The following PRORP variants were observed in gnomAD, a reference collection of about 807,000 sequenced individuals.
PRORP encodes the protein mitochondrial ribonuclease P catalytic subunit.
In PRORP, 51 loss-of-function variants were observed where a neutral mutation model predicts 59.4. The observed-to-expected ratio is 0.86, with a 90% CI of 0.69 to 1.08. PRORP has a LOEUF of 1.08. Among genes scored for constraint, PRORP ranks in the 50% least tolerant of loss-of-function variants. The probability of loss-of-function intolerance (pLI) is 0.00; values close to 1 mark genes in which losing one functional copy is unlikely to be tolerated. For synonymous variants in PRORP, 231 were observed against 245.6 expected, an observed-to-expected ratio of 0.94 and a Z score of 0.55; for missense variants, 646 against 690.3, an observed-to-expected ratio of 0.94 and a Z score of 0.72.
chr14:35,266,404 C>T lies in PRORP; in HGVS notation c.1276-323C>T, dbSNP rs569531007. On this transcript the variant is annotated intron_variant, in intron 5 of 7. Transcript: ENST00000534898. ...GGCTGAAGTGGGAGGATTGCTTGAG[C>T]CCAGGAATTCAAGGCTGCAGTGAGC... 2.0e-5 allele frequency among the ~76,000 whole-genome samples: 3 copies of T among 152,082 alleles called. No individual in the cohort carries two copies. In the East Asian group the frequency reaches 5.8e-4, roughly 29 times the overall value.
chr14:35,151,933 TC>T (rs1210766998), intron 4 of PRORP, among the ~76,000 whole-genome samples: 8 of 122,694 alleles, frequency 6.5e-5, no homozygotes, highest in South Asian at 2.8e-4. Context: ...TGTTAATCCA[TC>T]TTTTTTTTTT....
intron 4 of PRORP, among the ~76,000 whole-genome samples, chr14:35,165,018 C>T (rs2048148928): frequency 6.6e-6 from 1 of 152,168 alleles, no homozygotes; most frequent in South Asian, 2.1e-4. Context: ...ATTGGCACGC[C>T]TTGCTTAAGA....
intron 5 of PRORP, among the ~76,000 whole-genome samples, chr14:35,231,130 G>GT (rs780822353): frequency 6.6e-6 from 1 of 152,160 alleles, no homozygotes; most frequent in Non-Finnish European, 1.5e-5. Context: ...TTTGAGCCAT[G>GT]TGAATTTATT....
intron 5 of PRORP, among the ~76,000 whole-genome samples, chr14:35,264,088 A>G (rs933321859): frequency 6.6e-5 from 10 of 151,904 alleles, no homozygotes; most frequent in Admixed American, 3.3e-4. Context: ...GGTGCATGCC[A>G]CCATGCCTGG....
chr14:35,228,592 A>T (rs921520697), intron 5 of PRORP, among the ~76,000 whole-genome samples: 2 of 152,222 alleles, frequency 1.3e-5, no homozygotes, highest in African/African-American at 4.8e-5. Context: ...TTTGCATAGG[A>T]TAATCGCCTC....
At chr14:35,179,932 T>G (rs749646989) in intron 4 of PRORP, among the ~76,000 whole-genome samples, 1 of 152,190 alleles carries the variant, frequency 6.6e-6, no homozygotes, top group Non-Finnish European at 1.5e-5. Flanking sequence ...TCCTTTCTGT[T>G]TGTTAATTTT....
chr14:35,275,206 C>T lies in PRORP; in HGVS notation c.*1640C>T, dbSNP rs1351969462. On this transcript the variant is annotated 3_prime_UTR_variant, in exon 8 of 8. Coordinates refer to ENST00000534898, the MANE Select transcript of PRORP (RefSeq NM_014672.4). ...TAAACATTTTAAATTGATATATTTACATTTATGACAATATACCTCAAAGTA... is the reference window on the plus strand; with the variant it reads ...TAAACATTTTAAATTGATATATTTATATTTATGACAATATACCTCAAAGTA... The T allele has an allele frequency of 6.6e-6, 1 of 152,002 alleles. No individual in the cohort carries two copies. The highest frequency in any genetic ancestry group is 1.5e-5 in the Non-Finnish European group (1 of 68,014). 9.4% of individuals were successfully genotyped at this position (152,002 alleles called of 1,614,324 possible). A position where few individuals can be genotyped will look rare whatever the true frequency, so the allele number is the denominator to read the frequency against.
chr14:35,255,557 T>C (rs1421821713), intron 5 of PRORP, among the ~76,000 whole-genome samples: 1 of 152,188 alleles, frequency 6.6e-6, no homozygotes, highest in African/African-American at 2.4e-5. Context: ...TATTTTATTT[T>C]ATCAAGAGAT....
intron 5 of PRORP, among the ~76,000 whole-genome samples, chr14:35,218,539 TTTGTTG>T (rs1295397265): frequency 1.6e-5 from 1 of 64,202 alleles, no homozygotes; most frequent in African/African-American, 8.5e-5. Flanking sequence ...TTTTTTTTTT[TTTGTTG>T]AGACAGAGTC....
intron 5 of PRORP, among the ~76,000 whole-genome samples, chr14:35,229,961 A>G (rs1361929864): frequency 2.0e-5 from 3 of 152,026 alleles, no homozygotes; most frequent in Non-Finnish European, 4.4e-5. Context: ...AGTTGATTAC[A>G]TATATGATAG....
At chr14:35,163,389 A>T (rs866495541) in intron 4 of PRORP, among the ~76,000 whole-genome samples, 1 of 152,028 alleles carries the variant, frequency 6.6e-6, no homozygotes, top group Non-Finnish European at 1.5e-5. Flanking sequence ...TGATCTCATG[A>T]CCTAGTAAGG....
intron 5 of PRORP, among the ~76,000 whole-genome samples, chr14:35,187,373 T>C (rs958879272): frequency 1.1e-4 from 16 of 152,116 alleles, no homozygotes; most frequent in African/African-American, 3.9e-4. Context: ...GGTATCTTTT[T>C]TTGTTTGTTT....
chr14:35,175,278 A>G (rs2048419224), intron 4 of PRORP, among the ~76,000 whole-genome samples: 1 of 152,130 alleles, frequency 6.6e-6, no homozygotes, highest in Non-Finnish European at 1.5e-5. Context: ...TGGCTGGGTC[A>G]AATGGTATTT....
At chr14:35,179,797 G>C (rs1421188342) in intron 4 of PRORP, among the ~76,000 whole-genome samples, 1 of 152,202 alleles carries the variant, frequency 6.6e-6, no homozygotes, top group African/African-American at 2.4e-5. Flanking sequence ...TCCTTTGGAG[G>C]GGGAGAGGTG....
intron 5 of PRORP, among the ~76,000 whole-genome samples, chr14:35,261,957 A>G (rs1243700818): frequency 2.0e-5 from 3 of 152,156 alleles, no homozygotes; most frequent in African/African-American, 7.2e-5. Context: ...CTTCTCAGCC[A>G]CAAGATGGTG....
At chr14:35,190,841 C>T (rs1213353782) in intron 5 of PRORP, among the ~76,000 whole-genome samples, 1 of 152,176 alleles carries the variant, frequency 6.6e-6, no homozygotes, top group African/African-American at 2.4e-5. Context: ...CCCTTACATA[C>T]TACTTGAGTC....
At chr14:35,207,455 C>T (rs577264239) in intron 5 of PRORP, among the ~76,000 whole-genome samples, 1 of 152,206 alleles carries the variant, frequency 6.6e-6, no homozygotes, top group Non-Finnish European at 1.5e-5. Flanking sequence ...AAGCATACAA[C>T]ATTTTTAAAG....
chr14:35,236,237 A>T (rs115924326), intron 5 of PRORP, among the ~76,000 whole-genome samples: 1 of 152,016 alleles, frequency 6.6e-6, no homozygotes, highest in African/African-American at 2.4e-5. Context: ...CGTGTAACAC[A>T]CTGTTCTTTA....
At chr14:35,175,399 C>A (rs917648817) in intron 4 of PRORP, among the ~76,000 whole-genome samples, 1 of 151,946 alleles carries the variant, frequency 6.6e-6, no homozygotes, top group Non-Finnish European at 1.5e-5. Context: ...TCCTCTCCAG[C>A]ACCTGTTGTT....
Sources: allele counts gnomAD v4.1 joint callset (sites outside exome capture counted in the v4.1 genomes callset), GRCh38; gene constraint gnomAD v4.1.1; transcripts MANE v1.5; gene names NCBI Gene and HGNC (gene_info 2026-07-23, HGNC 2026-07-21).